CHD2: variants seen among roughly 807,000 people sequenced by gnomAD.
CHD2 encodes the protein chromodomain helicase DNA binding protein 2, also known as ATP-dependent chromatin remodeler CHD2.
CHD2 carries 28 observed loss-of-function variants against 243.9 expected under a neutral mutation model. The observed-to-expected ratio is 0.11, with a 90% CI of 0.09 to 0.16. The LOEUF is 0.16. CHD2 is among the 10% of genes least tolerant of loss of function. The pLI is 1.00. For synonymous variants in CHD2, 775 were observed against 779.0 expected (o/e 0.99, Z 0.09); for missense variants, 1,386 against 2,209.8 (o/e 0.63, Z 7.47).
At chr15:92,985,296 A>G (rs1241824642) in intron 25 of CHD2, among the ~76,000 whole-genome samples, 4 of 152,222 alleles carry the variant, frequency 2.6e-5, no homozygotes, top group Non-Finnish European at 5.9e-5. Context: ...TTATCGTTAT[A>G]TTACAATGTC....
In CHD2 at chr15:92,967,183, C is replaced by G. The variant is rs150455447; in HGVS notation, c.2001-142C>G. The G allele has an allele frequency of 5.1e-4, 303 of 593,600 alleles. No individual in the cohort carries two copies. The African/African-American group carries it at 5.2e-3, about 10-fold the overall frequency. The allele number at this position is 593,600 out of a possible 1,614,324, so 36.8% of individuals were successfully genotyped here. ...GAGTTGATTTCATTTTACTTTTCCC[C>G]TTTTTGTTTTCCCTTCTATTTAAGA... On this transcript the variant is annotated intron_variant, in intron 16 of 38. Transcript: ENST00000394196.
At chr15:92,949,832 T>G (rs1488753819) in intron 13 of CHD2, among the ~76,000 whole-genome samples, 2 of 152,236 alleles carry the variant, frequency 1.3e-5, no homozygotes, top group African/African-American at 2.4e-5. Context: ...AGGGTGCTTC[T>G]TGGAAGCCTA....
At chr15:93,023,904 A>G (rs962026052) in intron 38 of CHD2, among the ~76,000 whole-genome samples, 2 of 140,438 alleles carry the variant, frequency 1.4e-5, no homozygotes, top group Non-Finnish European at 3.3e-5. Context: ...TAATGGTATC[A>G]TGAGCAGTTT....
intron 2 of CHD2, chr15:92,904,614 T>G: frequency 2.6e-6 from 3 of 1,170,338 alleles, no homozygotes; most frequent in Non-Finnish European, 3.2e-6. Flanking sequence ...TGTGTTCTTT[T>G]GCCCATTTCC....
chr15:93,018,691 C>G (rs1462383610), intron 37 of CHD2, among the ~76,000 whole-genome samples: 1 of 152,252 alleles, frequency 6.6e-6, no homozygotes, highest in East Asian at 1.9e-4. Flanking sequence ...TTCCATGCCT[C>G]TCTTCTGCCT....
At chr15:92,920,600 GGTCTCTA>G (rs2052936413) in intron 2 of CHD2, among the ~76,000 whole-genome samples, 1 of 152,134 alleles carries the variant, frequency 6.6e-6, no homozygotes, top group Non-Finnish European at 1.5e-5. Context: ...GCCTTTTGTG[GGTCTCTA>G]GTTGGTAAAG....
intron 37 of CHD2, among the ~76,000 whole-genome samples, chr15:93,016,441 G>T (rs2054461235): frequency 6.6e-6 from 1 of 152,152 alleles, no homozygotes; most frequent in East Asian, 1.9e-4. Flanking sequence ...GTACAGCATG[G>T]TGACTGTAGT....
At chr15:92,928,498 TA>T (rs2053106527) in intron 4 of CHD2, among the ~76,000 whole-genome samples, 1 of 152,252 alleles carries the variant, frequency 6.6e-6, no homozygotes, top group Non-Finnish European at 1.5e-5. Context: ...AACATACTCT[TA>T]AATGAGTCTA....
intron 17 of CHD2, among the ~76,000 whole-genome samples, chr15:92,968,997 C>T (rs1386195678): frequency 2.0e-5 from 3 of 152,186 alleles, no homozygotes; most frequent in Non-Finnish European, 4.4e-5. Context: ...GCCATTTATC[C>T]AAGAAGTTCT....
intron 38 of CHD2, among the ~76,000 whole-genome samples, chr15:93,023,193 C>T (rs72765622): frequency 1.3e-5 from 2 of 152,282 alleles, no homozygotes; most frequent in East Asian, 1.9e-4. Context: ...TATTCCCTCT[C>T]CCCAGCCTCT....
intron 14 of CHD2, 184 bp downstream of exon 14, chr15:92,953,757 C>T (rs1273169730): frequency 1.7e-6 from 1 of 600,468 alleles, no homozygotes. Context: ...AACAAATATG[C>T]TTACTAGTTA....
intron 16 of CHD2, among the ~76,000 whole-genome samples, chr15:92,962,511 T>TA (rs1470073645): frequency 1.3e-5 from 2 of 152,158 alleles, no homozygotes; most frequent in Non-Finnish European, 2.9e-5. Flanking sequence ...GGTTTTGTCT[T>TA]AGAGAACATG....
chr15:92,941,321 A>T (rs751919464), intron 7 of CHD2, among the ~76,000 whole-genome samples: 11 of 151,978 alleles, frequency 7.2e-5, no homozygotes, highest in Non-Finnish European at 1.5e-4. Flanking sequence ...ACCAGGAAGT[A>T]TTTGTGTTGA....
chr15:92,972,507 G>C (rs2053853521), intron 19 of CHD2, 90 bp downstream of exon 19: 2 of 1,135,568 alleles, frequency 1.8e-6, no homozygotes, highest in African/African-American at 1.6e-5. Context: ...TGTATGCTTT[G>C]CTTGTTAAAG....
chr15:92,966,680 G>A (rs1468969864), intron 16 of CHD2, among the ~76,000 whole-genome samples: 1 of 152,056 alleles, frequency 6.6e-6, no homozygotes, highest in Non-Finnish European at 1.5e-5. Context: ...GGAGGCCGAG[G>A]CAGGCGGATC....
intron 4 of CHD2, 71 bp from the exon 5 acceptor site, chr15:92,928,959 A>C: frequency 1.4e-6 from 2 of 1,414,818 alleles, no homozygotes; most frequent in Non-Finnish European, 2.0e-6. Flanking sequence ...CTGTTGATCC[A>C]GGAGATAGTG....
At chr15:93,000,666 GTTAT>G (rs1178704759) in intron 32 of CHD2, 26 bp downstream of exon 32, 2 of 1,595,680 alleles carry the variant, frequency 1.3e-6, no homozygotes, top group African/African-American at 1.4e-5. Flanking sequence ...TCGGTTGAGG[GTTAT>G]TTATTTATTT....
At chr15:92,937,492 T>C in intron 5 of CHD2, 26 bp from the exon 6 acceptor site, 2 of 1,518,620 alleles carry the variant, frequency 1.3e-6, no homozygotes, top group South Asian at 2.5e-5. Flanking sequence ...TAGAAAAAAA[T>C]TACTTTGTTT....
chr15:92,909,776 G>GA (rs1424805229), intron 2 of CHD2, among the ~76,000 whole-genome samples: 1 of 151,742 alleles, frequency 6.6e-6, no homozygotes. Flanking sequence ...CTAGACCTCC[G>GA]AAAGTGCTGG....
Sources: gnomAD v4.1 joint callset for allele counts (sites outside exome capture counted in the v4.1 genomes callset) on GRCh38, gnomAD v4.1.1 for gene constraint, MANE v1.5 for transcripts, NCBI Gene and HGNC (gene_info 2026-07-23, HGNC 2026-07-21) for gene names.